ZNF804A: variants seen among roughly 807,000 people sequenced by gnomAD.
ZNF804A encodes the protein zinc finger protein 804A.
ZNF804A carries 2 observed loss-of-function variants against 16.5 expected under a neutral mutation model. The ratio of observed to expected loss-of-function variants is 0.12; its 90% CI spans 0.05 to 0.38. The LOEUF (loss-of-function observed/expected upper bound fraction) is 0.38. Ranked by LOEUF, ZNF804A falls within the 10% of genes least tolerant of loss-of-function variation. The pLI, the probability that ZNF804A is intolerant of heterozygous loss-of-function variation, is 0.99. For synonymous variants in ZNF804A, 534 were observed against 489.6 expected, an observed-to-expected ratio of 1.09 and a Z score of -1.20; for missense variants, 1,473 against 1,390.7, an observed-to-expected ratio of 1.06 and a Z score of -0.94.
chr2:184,934,610 T>C (rs1685755408), intron 3 of ZNF804A, among the ~76,000 whole-genome samples: 1 of 152,106 alleles, frequency 6.6e-6, no homozygotes, highest in South Asian at 2.1e-4. Context: ...TTACTTTTTG[T>C]GGTAATGAAT....
intron 1 of ZNF804A, among the ~76,000 whole-genome samples, chr2:184,809,498 G>T (rs1320536515): frequency 1.3e-5 from 2 of 151,626 alleles, no homozygotes; most frequent in Non-Finnish European, 3.0e-5. Flanking sequence ...GTTTATTCTG[G>T]TTATTTTTAT....
intron 1 of ZNF804A, among the ~76,000 whole-genome samples, chr2:184,648,984 T>A (rs1481777145): frequency 6.6e-6 from 1 of 152,052 alleles, no homozygotes; most frequent in Non-Finnish European, 1.5e-5. Context: ...ATATATATTA[T>A]TGTAATCTGC....
At chr2:184,885,265 G>A (rs943398776) in intron 2 of ZNF804A, among the ~76,000 whole-genome samples, 7 of 152,266 alleles carry the variant, frequency 4.6e-5, no homozygotes, top group East Asian at 3.9e-4. Context: ...TTCAACCACC[G>A]TGGAAAACAG....
chr2:184,824,777 G>A (rs1695133943), intron 1 of ZNF804A, among the ~76,000 whole-genome samples: 1 of 152,120 alleles, frequency 6.6e-6, no homozygotes, highest in Non-Finnish European at 1.5e-5. Flanking sequence ...TCCTCTCAGA[G>A]CTGGTCCTTT....
intron 1 of ZNF804A, among the ~76,000 whole-genome samples, chr2:184,623,919 G>T (rs1235992597): frequency 2.0e-5 from 3 of 152,118 alleles, no homozygotes; most frequent in African/African-American, 4.8e-5. Flanking sequence ...TAAATCATCT[G>T]ATTTTAAGAG....
At chr2:184,800,264 CTT>C (rs1694703246) in intron 1 of ZNF804A, among the ~76,000 whole-genome samples, 1 of 151,882 alleles carries the variant, frequency 6.6e-6, no homozygotes, top group Admixed American at 6.6e-5. Flanking sequence ...TGTTTTCCTT[CTT>C]TCAGTAAGTC....
At chr2:184,723,320 T>C (rs1693353545) in intron 1 of ZNF804A, among the ~76,000 whole-genome samples, 1 of 151,886 alleles carries the variant, frequency 6.6e-6, no homozygotes, top group Non-Finnish European at 1.5e-5. Flanking sequence ...ATCACTGTGA[T>C]TGACATACAA....
In ZNF804A at chr2:184,823,425, G is replaced by A. The variant is rs373487310; in HGVS notation, c.112-42944G>A. 3.9e-5 allele frequency among the ~76,000 whole-genome samples: 6 copies of A among 152,246 alleles called. No homozygotes were observed. The East Asian group carries it at 7.7e-4, about 20-fold the overall frequency. Reference sequence around the variant, plus strand: ...ATAGAAGTTCTCTGATCACAGAGCAGTGACTCTTAAAGTTCAGGAGTTTCT... The same window carrying A: ...ATAGAAGTTCTCTGATCACAGAGCAATGACTCTTAAAGTTCAGGAGTTTCT... On this transcript the variant is annotated intron_variant, in intron 1 of 3. Coordinates refer to ENST00000302277, the MANE Select transcript of ZNF804A (RefSeq NM_194250.2).
chr2:184,622,856 ATAAGTGTACTT>A, intron 1 of ZNF804A, among the ~76,000 whole-genome samples: 1 of 151,986 alleles, frequency 6.6e-6, no homozygotes, highest in Non-Finnish European at 1.5e-5. Context: ...TTCAGTGCCT[ATAAGTGTACTT>A]GAAAATAGCA....
intron 2 of ZNF804A, among the ~76,000 whole-genome samples, chr2:184,895,348 A>G (rs997901498): frequency 6.6e-6 from 1 of 152,194 alleles, no homozygotes; most frequent in African/African-American, 2.4e-5. Context: ...CAATAACTCA[A>G]TAACTTAAAT....
chr2:184,676,459 A>G (rs571038230), intron 1 of ZNF804A, among the ~76,000 whole-genome samples: 19 of 151,806 alleles, frequency 1.3e-4, no homozygotes, highest in East Asian at 7.7e-4. Context: ...GGTTGAAAAT[A>G]TATTTTAATT....
At chr2:184,656,414 A>G (rs1361572195) in intron 1 of ZNF804A, among the ~76,000 whole-genome samples, 5 of 152,150 alleles carry the variant, frequency 3.3e-5, no homozygotes, top group African/African-American at 1.2e-4. Flanking sequence ...GGAAAATCTG[A>G]GGAGTATTTC....
At position 184,936,627 on chromosome 2, in the gene ZNF804A, A is replaced by C; in HGVS notation, c.1231A>C (p.Ile411Leu). ...AAATACTGAAGAGGTTAACATAACT[A>C]TACATAAGAAAACAAATTTCTGCAA... ...PSNTEEVNIT[I>L]HKKTNFCKRQ... The change falls in exon 4 of 4, where the codon ATA (isoleucine) becomes CTA (leucine). Residue 411 changes from isoleucine to leucine, a missense_variant. Coordinates refer to ENST00000302277, the MANE Select transcript of ZNF804A (RefSeq NM_194250.2). 1 of 1,614,022 alleles carries C rather than the reference A, an allele frequency of 6.2e-7. No individual in the cohort carries two copies. The highest frequency in any genetic ancestry group is 1.7e-5 in the Admixed American group (1 of 60,000).
At chr2:184,885,335 T>C (rs1042909275) in intron 2 of ZNF804A, among the ~76,000 whole-genome samples, 1 of 152,184 alleles carries the variant, frequency 6.6e-6, no homozygotes. Context: ...ATTTTCACTA[T>C]TGGGTATACA....
intron 1 of ZNF804A, among the ~76,000 whole-genome samples, chr2:184,617,352 A>G (rs566806086): frequency 6.6e-6 from 1 of 152,182 alleles, no homozygotes; most frequent in African/African-American, 2.4e-5. Flanking sequence ...ATAATTTACA[A>G]TGTATGCTGT....
chr2:184,780,560 A>G (rs957808738), intron 1 of ZNF804A, among the ~76,000 whole-genome samples: 3 of 151,736 alleles, frequency 2.0e-5, no homozygotes, highest in African/African-American at 7.3e-5. Flanking sequence ...GAGGTACATG[A>G]AATGAAACAG....
intron 1 of ZNF804A, among the ~76,000 whole-genome samples, chr2:184,849,428 G>C (rs181293236): frequency 2.0e-5 from 3 of 152,096 alleles, no homozygotes; most frequent in East Asian, 3.9e-4. Context: ...AGAATGGAAA[G>C]AGACTGCTAA....
At chr2:184,798,695 A>C (rs1394111992) in intron 1 of ZNF804A, among the ~76,000 whole-genome samples, 1 of 151,914 alleles carries the variant, frequency 6.6e-6, no homozygotes, top group East Asian at 1.9e-4. Context: ...TTCCTTCCTG[A>C]TTAGCTAAAT....
chr2:184,737,372 T>G (rs2105750926), intron 1 of ZNF804A, among the ~76,000 whole-genome samples: 1 of 152,216 alleles, frequency 6.6e-6, no homozygotes, highest in East Asian at 1.9e-4. Flanking sequence ...TACTACTCCT[T>G]TTTAAGCTAT....
Sources: gnomAD v4.1 joint callset for allele counts (sites outside exome capture counted in the v4.1 genomes callset) on GRCh38, gnomAD v4.1.1 for gene constraint, MANE v1.5 for transcripts, NCBI Gene and HGNC (gene_info 2026-07-23, HGNC 2026-07-21) for gene names.